Variants in SPOCK1 observed in about 807,000 individuals in gnomAD.
SPOCK1 encodes testican-1.
A neutral mutation model predicts 55.3 loss-of-function variants in SPOCK1; 23 were observed. The observed-to-expected ratio is 0.42, with a 90% CI of 0.30 to 0.59. The LOEUF (loss-of-function observed/expected upper bound fraction) is 0.59, where lower values mean the gene tolerates loss of function less well. Ranked by LOEUF, SPOCK1 falls within the 20% of genes least tolerant of loss-of-function variation. The pLI, the probability that SPOCK1 is intolerant of heterozygous loss-of-function variation, is 0.22. For missense variants in SPOCK1, 499 were observed against 552.5 expected, an observed-to-expected ratio of 0.90 and a Z score of 0.97; for synonymous variants, 226 against 221.0, an observed-to-expected ratio of 1.02 and a Z score of -0.20.
chr5:137,424,764 T>G (rs1202942565), intron 2 of SPOCK1, among the ~76,000 whole-genome samples: 3 of 152,210 alleles, frequency 2.0e-5, no homozygotes, highest in African/African-American at 7.2e-5. Context: ...ACTGTATGAT[T>G]CCACTTATAC....
chr5:137,477,758 G>A (rs1009971171), intron 2 of SPOCK1, among the ~76,000 whole-genome samples: 1 of 150,010 alleles, frequency 6.7e-6, no homozygotes, highest in African/African-American at 2.5e-5. Flanking sequence ...AGCTCCACAT[G>A]TCAGCTCAGA....
At chr5:137,359,335 G>C (rs969384263) in intron 2 of SPOCK1, among the ~76,000 whole-genome samples, 3 of 152,100 alleles carry the variant, frequency 2.0e-5, no homozygotes, top group Admixed American at 1.3e-4. Flanking sequence ...CAAGATACAA[G>C]GCATTCTCAT....
At chr5:137,458,172 A>T (rs1368701914) in intron 2 of SPOCK1, among the ~76,000 whole-genome samples, 1 of 152,162 alleles carries the variant, frequency 6.6e-6, no homozygotes, top group East Asian at 1.9e-4. Context: ...AACCCACATA[A>T]ATAGACACCA....
chr5:137,300,239 C>A (rs530826549), intron 2 of SPOCK1, among the ~76,000 whole-genome samples: 2 of 152,158 alleles, frequency 1.3e-5, no homozygotes, highest in South Asian at 4.2e-4. Context: ...AAATAGTTTC[C>A]ATTTTTCTGC....
At chr5:137,075,174 A>G (rs1448227690) in intron 5 of SPOCK1, among the ~76,000 whole-genome samples, 1 of 152,216 alleles carries the variant, frequency 6.6e-6, no homozygotes, top group Non-Finnish European at 1.5e-5. Flanking sequence ...CATTCATTGC[A>G]TTATTCTTTA....
At chr5:137,382,916 G>A (rs1751506159) in intron 2 of SPOCK1, among the ~76,000 whole-genome samples, 1 of 152,190 alleles carries the variant, frequency 6.6e-6, no homozygotes, top group Admixed American at 6.5e-5. Context: ...GGCCAGGACT[G>A]GTTAAAATGA....
At chr5:137,142,148 G>A (rs1450847021) in intron 3 of SPOCK1, among the ~76,000 whole-genome samples, 1 of 152,098 alleles carries the variant, frequency 6.6e-6, no homozygotes, top group Non-Finnish European at 1.5e-5. Flanking sequence ...GCAAACATTT[G>A]GTTAAACAAA....
intron 2 of SPOCK1, among the ~76,000 whole-genome samples, chr5:137,333,873 A>C (rs1758236703): frequency 6.6e-6 from 1 of 152,220 alleles, no homozygotes; most frequent in Non-Finnish European, 1.5e-5. Context: ...TGGGAGATGA[A>C]TCTCAATGAC....
At chr5:137,131,871 C>T (rs1048941582) in intron 4 of SPOCK1, among the ~76,000 whole-genome samples, 2 of 146,132 alleles carry the variant, frequency 1.4e-5, no homozygotes, top group African/African-American at 5.1e-5. Context: ...ACTCGGGAGG[C>T]TGAGGCAGGA....
intron 5 of SPOCK1, among the ~76,000 whole-genome samples, chr5:137,103,429 A>G (rs1221673604): frequency 6.6e-6 from 1 of 152,258 alleles, no homozygotes; most frequent in Non-Finnish European, 1.5e-5. Flanking sequence ...CAGAAGTAAC[A>G]CTAGTGGCTT....
chr5:137,173,916 T>C (rs1050256553), intron 3 of SPOCK1, among the ~76,000 whole-genome samples: 1 of 152,184 alleles, frequency 6.6e-6, no homozygotes, highest in Non-Finnish European at 1.5e-5. Flanking sequence ...CTTGCAACAA[T>C]GCCACGAAGT....
chr5:137,416,402 C>T (rs1390635508), intron 2 of SPOCK1, among the ~76,000 whole-genome samples: 1 of 152,064 alleles, frequency 6.6e-6, no homozygotes, highest in Non-Finnish European at 1.5e-5. Flanking sequence ...CATGGGTTCT[C>T]AGAATCAACA....
intron 3 of SPOCK1, among the ~76,000 whole-genome samples, chr5:137,174,851 A>G (rs973966737): frequency 6.6e-6 from 1 of 152,158 alleles, no homozygotes; most frequent in African/African-American, 2.4e-5. Flanking sequence ...GGGGTCCAGA[A>G]CCCATGGGAA....
intron 6 of SPOCK1, among the ~76,000 whole-genome samples, chr5:137,022,629 G>C (rs1042554861): frequency 6.6e-6 from 1 of 152,156 alleles, no homozygotes; most frequent in African/African-American, 2.4e-5. Context: ...CTGCGTGCCT[G>C]GTTAAGCTCT....
At chr5:137,317,402 G>A (rs1757897086) in intron 2 of SPOCK1, among the ~76,000 whole-genome samples, 1 of 152,174 alleles carries the variant, frequency 6.6e-6, no homozygotes, top group Non-Finnish European at 1.5e-5. Flanking sequence ...ATTCGTCCCT[G>A]ACCTATATTA....
intron 2 of SPOCK1, among the ~76,000 whole-genome samples, chr5:137,273,976 A>C (rs1456948936): frequency 6.6e-6 from 1 of 152,192 alleles, no homozygotes; most frequent in African/African-American, 2.4e-5. Flanking sequence ...ACCAACACAA[A>C]GAGCTCCCTC....
chr5:137,131,857 A>G (rs1348199247), intron 4 of SPOCK1, among the ~76,000 whole-genome samples: 2 of 147,048 alleles, frequency 1.4e-5, no homozygotes, highest in Non-Finnish European at 3.0e-5. Flanking sequence ...CTGTAGTCCC[A>G]GCTACTCGGG....
intron 2 of SPOCK1, among the ~76,000 whole-genome samples, chr5:137,438,157 A>C (rs992792173): frequency 2.0e-5 from 3 of 151,960 alleles, no homozygotes; most frequent in Non-Finnish European, 2.9e-5. Context: ...AGGGAGAGGT[A>C]AGGGGGCAGT....
chr5:137,144,557 T>C (rs1041528401), intron 3 of SPOCK1, among the ~76,000 whole-genome samples: 2 of 152,180 alleles, frequency 1.3e-5, no homozygotes, highest in Non-Finnish European at 2.9e-5. Flanking sequence ...TCGCCGCATT[T>C]TGTTTTTGAG....
Sources: allele counts gnomAD v4.1 joint callset (sites outside exome capture counted in the v4.1 genomes callset), GRCh38; gene constraint gnomAD v4.1.1; transcripts MANE v1.5; gene names NCBI Gene and HGNC (gene_info 2026-07-23, HGNC 2026-07-21).